The following DIS3L variants were observed in gnomAD, a reference collection of about 807,000 sequenced individuals.
DIS3L encodes the protein DIS3-like exonuclease 1.
In DIS3L, 100 loss-of-function variants were observed where a neutral mutation model predicts 120.3. The observed-to-expected ratio is 0.83, with a 90% CI of 0.71 to 0.98. The LOEUF is 0.98. Ranked by LOEUF, DIS3L falls within the 50% of genes least tolerant of loss-of-function variation. The probability of loss-of-function intolerance (pLI) is 0.00; values close to 1 mark genes in which losing one functional copy is unlikely to be tolerated. For synonymous variants in DIS3L, 426 were observed against 470.6 expected (o/e 0.91, Z 1.23); for missense variants, 1,196 against 1,314.2 (o/e 0.91, Z 1.39).
intron 2 of DIS3L, among the ~76,000 whole-genome samples, chr15:66,306,221 T>C (rs1028155109): frequency 5.9e-5 from 9 of 152,176 alleles, no homozygotes; most frequent in Non-Finnish European, 1.0e-4. Flanking sequence ...ACCATTCTCC[T>C]TCCTCGGCCA....
chr15:66,326,745 A>G lies in DIS3L; in HGVS notation c.2201+381A>G, dbSNP rs558396195. On this transcript the variant is annotated intron_variant, in intron 12 of 16. Coordinates refer to ENST00000319212, the MANE Select transcript of DIS3L (RefSeq NM_001143688.3). Reference sequence around the variant, plus strand: ...CAGGCACACGCCACCATGCCTGGCTAATTTTTTTGTATTTTTAGTAGAGAC... The same window carrying G: ...CAGGCACACGCCACCATGCCTGGCTGATTTTTTTGTATTTTTAGTAGAGAC... 8.6e-5 allele frequency among the ~76,000 whole-genome samples: 13 copies of G among 151,840 alleles called. 1 individual carries two copies. The South Asian group carries it at 2.7e-3, about 32-fold the overall frequency.
At chr15:66,293,795 G>T (rs1162010409) in intron 1 of DIS3L, 60 bp downstream of exon 1, 2 of 1,107,766 alleles carry the variant, frequency 1.8e-6, no homozygotes, top group Non-Finnish European at 1.1e-6. Context: ...GCAGTGAGGG[G>T]CTGAGCGCGG....
chr15:66,301,088 G>A (rs951146423), intron 2 of DIS3L, among the ~76,000 whole-genome samples: 8 of 152,082 alleles, frequency 5.3e-5, no homozygotes, highest in South Asian at 2.1e-4. Context: ...AGTCAGCAGC[G>A]GAAAGGGATG....
At chr15:66,308,401 G>A (rs1228216511) in intron 3 of DIS3L, among the ~76,000 whole-genome samples, 1 of 152,172 alleles carries the variant, frequency 6.6e-6, no homozygotes, top group Non-Finnish European at 1.5e-5. Flanking sequence ...CTTGTGTGCT[G>A]CCCCAGTTAA....
intron 15 of DIS3L, among the ~76,000 whole-genome samples, 198 bp from the exon 16 acceptor site, chr15:66,332,538 A>G (rs538491629): frequency 1.4e-5 from 2 of 140,452 alleles, no homozygotes; most frequent in African/African-American, 5.0e-5. Context: ...ACACACTTCT[A>G]TATCCATTTT....
chr15:66,306,339 C>G (rs1176543367), intron 2 of DIS3L, among the ~76,000 whole-genome samples: 1 of 152,158 alleles, frequency 6.6e-6, no homozygotes, highest in Non-Finnish European at 1.5e-5. Flanking sequence ...AAATAAAATT[C>G]ACAGATAAAT....
chr15:66,327,994 G>A (rs148994685), intron 12 of DIS3L, among the ~76,000 whole-genome samples: 1,889 of 152,324 alleles, frequency 0.012, 33 homozygotes, highest in African/African-American at 0.041. Context: ...AGAAGTTGCA[G>A]TGAGCCAAGA....
At chr15:66,311,578 TG>T in intron 4 of DIS3L, 145 bp from the exon 5 acceptor site, 1 of 874,148 alleles carries the variant, frequency 1.1e-6, no homozygotes, top group Non-Finnish European at 1.8e-6. Context: ...GAATGAATGG[TG>T]GAGTGAGGCT....
rs1029135698 is a variant in DIS3L, at chr15:66,294,582, G to T, written c.140-406G>T. The stretch of plus-strand genomic sequence containing the variant: ...CTGGCCCTTGGAGGCTGCTGAGCAC[G>T]TGCAGAAGCTTGACACAGAGCCAAC... On this transcript the variant is annotated intron_variant, in intron 1 of 16. Transcript: ENST00000319212. 1.1e-5 allele frequency: 11 copies of T among 964,648 alleles called. No individual in the cohort carries two copies. In the African/African-American group the frequency reaches 1.9e-4, roughly 17 times the overall value. 59.8% of individuals were successfully genotyped at this position (964,648 alleles called of 1,614,324 possible).
chr15:66,332,701 A>C, intron 15 of DIS3L, 35 bp from the exon 16 acceptor site: 2 of 1,559,994 alleles, frequency 1.3e-6, no homozygotes, highest in South Asian at 2.4e-5. Flanking sequence ...CTAAGAATAC[A>C]TTGTCTCTGG....
chr15:66,316,350 T>C (rs1028028972), intron 7 of DIS3L, among the ~76,000 whole-genome samples: 2 of 151,936 alleles, frequency 1.3e-5, no homozygotes, highest in African/African-American at 4.8e-5. Flanking sequence ...CAACTCCAAC[T>C]CTAATGCATG....
At chr15:66,329,834 C>T in intron 14 of DIS3L, 1 of 955,976 alleles carries the variant, frequency 1.0e-6, no homozygotes, top group Non-Finnish European at 1.2e-6. Context: ...ATCTCTTGAA[C>T]CCAGGAGGTG....
intron 7 of DIS3L, among the ~76,000 whole-genome samples, 196 bp downstream of exon 7, chr15:66,315,411 A>G (rs2092807551): frequency 6.6e-6 from 1 of 152,140 alleles, no homozygotes; most frequent in South Asian, 2.1e-4. Context: ...GTTTTGATAT[A>G]ATGCATTGGA....
intron 2 of DIS3L, chr15:66,306,615 G>T (rs977779442): frequency 1.2e-5 from 6 of 508,276 alleles, no homozygotes; most frequent in Admixed American, 3.3e-5. Context: ...ACTAGGCCCT[G>T]CCCAAGCACC....
intron 3 of DIS3L, among the ~76,000 whole-genome samples, chr15:66,308,309 T>G (rs1350465445): frequency 6.6e-6 from 1 of 152,222 alleles, no homozygotes; most frequent in Non-Finnish European, 1.5e-5. Flanking sequence ...ATTATGATCT[T>G]CAGCTACTTG....
rs759962481 is a variant in DIS3L, at chr15:66,333,340, A to G, written c.*28A>G. 1.3e-6 allele frequency: 2 copies of G among 1,561,510 alleles called. No homozygotes were observed. The highest frequency in any genetic ancestry group is 1.7e-6 in the Non-Finnish European group (2 of 1,158,312). On this transcript the variant is annotated 3_prime_UTR_variant, in exon 17 of 17. Coordinates refer to ENST00000319212, the MANE Select transcript of DIS3L (RefSeq NM_001143688.3). ...GGCTCTTACTTCACTAAGAGCTGTC[A>G]TATGTGAATGTTTTACAGTCTTTTC...
intron 8 of DIS3L, 48 bp from the exon 9 acceptor site, chr15:66,320,523 A>G: frequency 6.4e-7 from 1 of 1,565,346 alleles, no homozygotes; most frequent in Non-Finnish European, 8.7e-7. Flanking sequence ...TAATTGACCC[A>G]CTTAACTCCT....
In DIS3L at chr15:66,315,025, C is replaced by T; in HGVS notation, c.815-11C>T. The T allele has an allele frequency of 1.9e-6, 3 of 1,612,608 alleles. No individual in the cohort carries two copies. In the East Asian group the frequency reaches 6.7e-5, roughly 36 times the overall value. On this transcript the variant is annotated splice_polypyrimidine_tract_variant and intron_variant, in intron 6 of 16. Transcript: ENST00000319212. ...GCTTTATGGGTTTTTTCTGTGCTGCCCCAAACACAGATTTAGTCAGTGACA... is the reference window on the plus strand; with the variant it reads ...GCTTTATGGGTTTTTTCTGTGCTGCTCCAAACACAGATTTAGTCAGTGACA...
upstream of DIS3L, chr15:66,293,562 C>G (rs565794629): frequency 7.1e-7 from 1 of 1,405,180 alleles, no homozygotes; most frequent in Non-Finnish European, 9.3e-7. Context: ...CTCCGCCGCG[C>G]CCGCCACTCC....
Sources: gnomAD v4.1 joint callset for allele counts (sites outside exome capture counted in the v4.1 genomes callset) on GRCh38, gnomAD v4.1.1 for gene constraint, MANE v1.5 for transcripts, NCBI Gene and HGNC (gene_info 2026-07-23, HGNC 2026-07-21) for gene names.